The following CRKL variants were observed in gnomAD, a reference collection of about 807,000 sequenced individuals.
CRKL encodes CRK like proto-oncogene, adaptor protein.
Under a neutral mutation model 23.0 loss-of-function variants are expected in CRKL, and 3 were observed. The ratio of observed to expected loss-of-function variants is 0.13; its 90% CI spans 0.06 to 0.34. The LOEUF is 0.34. CRKL is among the 10% of genes least tolerant of loss of function. The pLI is 1.00. For synonymous variants in CRKL, 188 were observed against 160.7 expected (o/e 1.17, Z -1.28); for missense variants, 256 against 394.5 (o/e 0.65, Z 2.97).
chr22:20,939,789 CTT>C (rs57712024), intron 2 of CRKL, among the ~76,000 whole-genome samples: 4,331 of 128,268 alleles, frequency 0.034, 83 homozygotes, highest in South Asian at 0.11. Context: ...TCTCTGAATC[CTT>C]TTTTTTTTTT....
intron 1 of CRKL, among the ~76,000 whole-genome samples, chr22:20,928,244 C>G (rs1194257552): frequency 6.6e-6 from 1 of 151,096 alleles, no homozygotes; most frequent in Non-Finnish European, 1.5e-5. Context: ...ATTGCTTGAG[C>G]CCAGGAGTTC....
rs367811743 is a variant in CRKL at position 20,944,624 on chromosome 22, C to T, written c.778-5087C>T. Among the ~76,000 whole-genome samples, 17 of 151,326 alleles carry T rather than the reference C, an allele frequency of 1.1e-4. No individual in the cohort carries two copies. The South Asian group carries it at 2.9e-3, about 26-fold the overall frequency. On this transcript the variant is annotated intron_variant, in intron 2 of 2. Coordinates refer to ENST00000354336, the MANE Select transcript of CRKL (RefSeq NM_005207.4). ...TTCACTATGTTGGCCAGGATGGTCT[C>T]GATCTCTTGACCTCGTGATCCACCT... is the stretch of plus-strand genomic sequence containing the variant.
Position 20,917,771 on chromosome 22 carries a change from C to A in CRKL, c.-164C>A. ...AGGCGGGCGGCGTCGGAGGATGCTG[C>A]GGGCCCGGAGCCGAGAGGAAAGTGC... is the stretch of plus-strand genomic sequence containing the variant. On this transcript the variant is annotated 5_prime_UTR_variant, in exon 1 of 3. Transcript: ENST00000354336. The A allele has an allele frequency of 1.5e-6, 1 of 678,338 alleles. No homozygotes were observed. The highest frequency in any genetic ancestry group is 2.4e-6 in the Non-Finnish European group (1 of 413,614). The allele number at this position is 678,338 out of a possible 1,614,324, so 42.0% of individuals were successfully genotyped here.
intron 1 of CRKL, among the ~76,000 whole-genome samples, chr22:20,923,943 T>C (rs1458719893): frequency 6.6e-6 from 1 of 151,378 alleles, no homozygotes; most frequent in Non-Finnish European, 1.5e-5. Context: ...TCCCAGCACT[T>C]CGGGAGGTTA....
chr22:20,934,805 A>ATT lies in CRKL; in HGVS notation c.777+586_777+587dup, dbSNP rs67055933. ...TCTCTTGAGCTTGGTAGAGGAATGA[A>ATT]TTTTTTTTTTTTTTTTTTTTTTTTT... On this transcript the variant is annotated intron_variant, in intron 2 of 2. Transcript: ENST00000354336. 4.6e-3 allele frequency among the ~76,000 whole-genome samples: 451 copies of ATT among 98,554 alleles called. 32 individuals carry two copies. The highest frequency in any genetic ancestry group is 0.011 in the African/African-American group (241 of 21,000). The allele number at this position is 98,554 out of a possible 152,430, so 64.7% of individuals were successfully genotyped here.
At chr22:20,941,719 G>A (rs577842758) in intron 2 of CRKL, among the ~76,000 whole-genome samples, 31 of 146,612 alleles carry the variant, frequency 2.1e-4, no homozygotes, top group Middle Eastern at 3.6e-3. Flanking sequence ...TCAGCCTCCC[G>A]AGTAGCTGGG....
intron 1 of CRKL, among the ~76,000 whole-genome samples, chr22:20,922,684 TA>T (rs1283940324): frequency 6.6e-6 from 1 of 152,194 alleles, no homozygotes; most frequent in African/African-American, 2.4e-5. Context: ...TTATTTTATT[TA>T]TTTTTTTGAG....
chr22:20,942,313 A>C (rs1252073717), intron 2 of CRKL, among the ~76,000 whole-genome samples: 1 of 152,194 alleles, frequency 6.6e-6, no homozygotes, highest in Non-Finnish European at 1.5e-5. Flanking sequence ...TTGAAAGGCC[A>C]AGGTGGGAAG....
chr22:20,937,514 A>C (rs1921709024), intron 2 of CRKL, among the ~76,000 whole-genome samples: 2 of 149,848 alleles, frequency 1.3e-5, no homozygotes. Flanking sequence ...AGGAGGTTGT[A>C]GGGAGGAATA....
intron 1 of CRKL, among the ~76,000 whole-genome samples, chr22:20,930,571 G>C (rs763300794): frequency 8.7e-5 from 13 of 149,906 alleles, no homozygotes; most frequent in Non-Finnish European, 1.9e-4. Flanking sequence ...GTAGTGACAG[G>C]GTTTTTTGTC....
intron 2 of CRKL, among the ~76,000 whole-genome samples, chr22:20,934,901 C>T (rs1235920380): frequency 6.7e-6 from 1 of 149,824 alleles, no homozygotes; most frequent in Non-Finnish European, 1.5e-5. Flanking sequence ...GCAAGCTCCA[C>T]CTCCTGGGTT....
intron 2 of CRKL, among the ~76,000 whole-genome samples, chr22:20,948,568 A>G (rs1569138909): frequency 1.3e-5 from 2 of 152,224 alleles, no homozygotes; most frequent in South Asian, 2.1e-4. Context: ...TGCTACAGTC[A>G]TGTAGTTTCT....
intron 2 of CRKL, among the ~76,000 whole-genome samples, chr22:20,948,147 T>C (rs761579476): frequency 6.6e-5 from 10 of 152,188 alleles, no homozygotes; most frequent in Non-Finnish European, 1.0e-4. Flanking sequence ...GTAGAAAGTA[T>C]CCTGTTGAAG....
chr22:20,937,099 G>A (rs781498099), intron 2 of CRKL, among the ~76,000 whole-genome samples: 52 of 151,502 alleles, frequency 3.4e-4, no homozygotes, highest in Non-Finnish European at 6.6e-4. Flanking sequence ...TCATCTGCCC[G>A]CCTCAGCCTC....
chr22:20,936,591 T>C (rs1921667918), intron 2 of CRKL, among the ~76,000 whole-genome samples: 1 of 152,158 alleles, frequency 6.6e-6, no homozygotes, highest in South Asian at 2.1e-4. Context: ...CTTCAGGTGA[T>C]CTGCCCACCT....
At chr22:20,927,513 C>CTTT (rs1555919011) in intron 1 of CRKL, among the ~76,000 whole-genome samples, 2 of 139,894 alleles carry the variant, frequency 1.4e-5, no homozygotes, top group Admixed American at 7.3e-5. Context: ...AGTTTTCTAC[C>CTTT]TTTTTTTTTT....
intron 2 of CRKL, among the ~76,000 whole-genome samples, chr22:20,944,139 C>CTTTTTTTTTTTTT (rs57177824): frequency 3.8e-5 from 4 of 105,848 alleles, no homozygotes; most frequent in Non-Finnish European, 5.5e-5. Context: ...GTAGTATTAG[C>CTTTTTTTTTTTTT]TTTTTTTTTT....
At position 20,950,435 on chromosome 22, in the gene CRKL, A is replaced by T. The variant is rs879302997; in HGVS notation, c.*590A>T. The T allele has an allele frequency of 4.3e-6, 1 of 231,182 alleles. No homozygotes were observed. The highest frequency in any genetic ancestry group is 8.5e-6 in the Non-Finnish European group (1 of 117,610). The allele number at this position is 231,182 out of a possible 1,614,324, so 14.3% of individuals were successfully genotyped here. On this transcript the variant is annotated 3_prime_UTR_variant, in exon 3 of 3. Coordinates refer to ENST00000354336, the MANE Select transcript of CRKL (RefSeq NM_005207.4). The stretch of plus-strand genomic sequence containing the variant: ...GTTTGTTTTGTTTTGTTTTTTTGAG[A>T]CGGTGTCTCGCTGCATCACCCAGGC...
At position 20,951,769 on chromosome 22, in the gene CRKL, T is replaced by G. The variant is rs905905244; in HGVS notation, c.*1924T>G. 1 of 220,946 alleles carries G rather than the reference T, an allele frequency of 4.5e-6. No homozygotes were observed. The highest frequency in any genetic ancestry group is 9.1e-6 in the Non-Finnish European group (1 of 110,406). 13.7% of individuals were successfully genotyped at this position (220,946 alleles called of 1,614,324 possible). On this transcript the variant is annotated 3_prime_UTR_variant, in exon 3 of 3. Coordinates refer to ENST00000354336, the MANE Select transcript of CRKL (RefSeq NM_005207.4). ...AGTATTCCATCAGGCAGATAACTGC[T>G]GTATTCATGAATCTTGAGAGTGTTC...
Sources: gnomAD v4.1 joint callset for allele counts (sites outside exome capture counted in the v4.1 genomes callset) on GRCh38, gnomAD v4.1.1 for gene constraint, MANE v1.5 for transcripts, NCBI Gene and HGNC (gene_info 2026-07-23, HGNC 2026-07-21) for gene names.